NCKAP1: variants seen among roughly 807,000 people sequenced by gnomAD.
The protein encoded by NCKAP1 is nck-associated protein 1.
In NCKAP1, 21 loss-of-function variants were observed where a neutral mutation model predicts 151.2. That is an observed-to-expected ratio of 0.14 (90% CI 0.10 to 0.20). The LOEUF is 0.20. NCKAP1 is among the 10% of genes least tolerant of loss of function. The pLI is 1.00. For missense variants in NCKAP1, 933 were observed against 1,352.1 expected (o/e 0.69, Z 4.86); for synonymous variants, 484 against 451.8 (o/e 1.07, Z -0.90).
At chr2:182,979,830 T>C in intron 13 of NCKAP1, among the ~76,000 whole-genome samples, 1 of 152,082 alleles carries the variant, frequency 6.6e-6, no homozygotes, top group East Asian at 1.9e-4. Context: ...AGGAGCAAAT[T>C]ACATAAGGCA....
At chr2:183,005,213 A>C (rs893966209) in intron 2 of NCKAP1, among the ~76,000 whole-genome samples, 1 of 152,182 alleles carries the variant, frequency 6.6e-6, no homozygotes, top group African/African-American at 2.4e-5. Flanking sequence ...AAGTACATTC[A>C]TAATAGTAAG....
intron 26 of NCKAP1, among the ~76,000 whole-genome samples, chr2:182,933,357 A>G (rs2105802648): frequency 6.6e-6 from 1 of 151,910 alleles, no homozygotes; most frequent in Admixed American, 6.6e-5. Context: ...AAGTGGCAGA[A>G]GATAAGCCTC....
In NCKAP1 at chr2:182,911,806, T is replaced by C. The variant is rs987455927; in HGVS notation, c.*13896A>G. ...TTGCCCTTATATACTCTCTTATAAT[T>C]GCCTCAACAAATTCAAGATGGTTAT... On this transcript the variant is annotated 3_prime_UTR_variant, in exon 31 of 31. Coordinates refer to ENST00000361354, the MANE Select transcript of NCKAP1 (RefSeq NM_013436.5). 4 of 152,308 alleles carry C rather than the reference T, an allele frequency of 2.6e-5. No individual in the cohort carries two copies. Among genetic ancestry groups the C allele is most frequent in the East Asian group, 1.9e-4 (1 of 5,192 alleles). The allele number at this position is 152,308 out of a possible 1,614,324, so 9.4% of individuals were successfully genotyped here.
chr2:182,920,996 T>A lies in NCKAP1; in HGVS notation c.*4706A>T, dbSNP rs1255573800. ...CTGAGTAGTGCACAGTTTTAGTCTG[T>A]GAGCACGCTTCAGTGAAATTATATC... On this transcript the variant is annotated 3_prime_UTR_variant, in exon 31 of 31. Transcript: ENST00000361354. The A allele has an allele frequency of 1.3e-5, 2 of 152,208 alleles. No homozygotes were observed. The highest frequency in any genetic ancestry group is 2.1e-4 in the South Asian group (1 of 4,830). 9.4% of individuals were successfully genotyped at this position (152,208 alleles called of 1,614,324 possible).
chr2:182,948,246 T>C lies in NCKAP1; in HGVS notation c.2601+4159A>G, dbSNP rs181792356. Among the ~76,000 whole-genome samples, 189 of 152,012 alleles carry C rather than the reference T, an allele frequency of 1.2e-3. 2 individuals carry two copies. The highest frequency in any genetic ancestry group is 4.4e-3 in the African/African-American group (183 of 41,494). ...CTACAATATTAAATCATTAATAAAA[T>C]ATGGAAGTTATTATGAAGGTAAAAT... On this transcript the variant is annotated intron_variant, in intron 23 of 30. Transcript: ENST00000361354.
At chr2:183,018,906 T>TA (rs1698744882) in intron 2 of NCKAP1, among the ~76,000 whole-genome samples, 1 of 152,212 alleles carries the variant, frequency 6.6e-6, no homozygotes, top group Non-Finnish European at 1.5e-5. Context: ...TTATTACACT[T>TA]AGAGTTGCTT....
chr2:183,028,057 G>A (rs555569960), intron 1 of NCKAP1, among the ~76,000 whole-genome samples: 124 of 151,986 alleles, frequency 8.2e-4, no homozygotes, highest in African/African-American at 2.7e-3. Context: ...GTAATCAAAA[G>A]ATTTAACAAA....
intron 1 of NCKAP1, among the ~76,000 whole-genome samples, chr2:183,029,491 CTCTA>C (rs1206966557): frequency 6.6e-6 from 1 of 151,562 alleles, no homozygotes; most frequent in African/African-American, 2.4e-5. Flanking sequence ...TTTAAAATTC[CTCTA>C]TCTATTCACA....
At chr2:182,931,467 A>G (rs945028523) in intron 26 of NCKAP1, among the ~76,000 whole-genome samples, 1 of 152,156 alleles carries the variant, frequency 6.6e-6, no homozygotes, top group Non-Finnish European at 1.5e-5. Flanking sequence ...GCAGGGATTA[A>G]GTTCTAGATT....
chr2:182,979,714 T>C (rs1351664980), intron 13 of NCKAP1, among the ~76,000 whole-genome samples: 2 of 152,078 alleles, frequency 1.3e-5, no homozygotes, highest in Non-Finnish European at 2.9e-5. Context: ...TGAAAAACAT[T>C]GTGAATATAC....
chr2:182,912,587 A>T lies in NCKAP1; in HGVS notation c.*13115T>A, dbSNP rs149854512. The T allele has an allele frequency of 6.6e-6, 1 of 152,252 alleles. No homozygotes were observed. Among genetic ancestry groups the T allele is most frequent in the Non-Finnish European group, 1.5e-5 (1 of 68,040 alleles). The allele number at this position is 152,252 out of a possible 1,614,324, so 9.4% of individuals were successfully genotyped here. On this transcript the variant is annotated 3_prime_UTR_variant, in exon 31 of 31. Transcript: ENST00000361354. ...CATTTAACAAGCTCAATGATCTATTATAAGTTAATACACTTTTTCCCCATT... is the reference window on the plus strand; with the variant it reads ...CATTTAACAAGCTCAATGATCTATTTTAAGTTAATACACTTTTTCCCCATT...
chr2:182,972,132 C>A (rs951967127), intron 15 of NCKAP1, among the ~76,000 whole-genome samples: 17 of 138,046 alleles, frequency 1.2e-4, no homozygotes, highest in African/African-American at 4.6e-4. Context: ...AGTGAAGAGA[C>A]AACCTATAGA....
At chr2:183,037,453 T>A (rs1036417721) in intron 1 of NCKAP1, among the ~76,000 whole-genome samples, 2 of 152,188 alleles carry the variant, frequency 1.3e-5, no homozygotes, top group Non-Finnish European at 2.9e-5. Flanking sequence ...AATGGCTTTT[T>A]ATTTAGCAAT....
chr2:183,001,858 AT>A, intron 6 of NCKAP1, 94 bp downstream of exon 6: 2 of 1,042,590 alleles, frequency 1.9e-6, no homozygotes, highest in Non-Finnish European at 1.4e-6. Flanking sequence ...CCATTATAGT[AT>A]TTTTCAAAAA....
At chr2:182,976,609 C>T (rs931777526) in intron 15 of NCKAP1, among the ~76,000 whole-genome samples, 5 of 152,050 alleles carry the variant, frequency 3.3e-5, no homozygotes, top group African/African-American at 1.2e-4. Flanking sequence ...TGTGCTTTCA[C>T]TTTAGAATTA....
At chr2:182,945,637 C>G (rs1697088638) in intron 23 of NCKAP1, among the ~76,000 whole-genome samples, 1 of 152,098 alleles carries the variant, frequency 6.6e-6, no homozygotes, top group African/African-American at 2.4e-5. Context: ...AGAAATGTTT[C>G]CTATCAAAAT....
intron 23 of NCKAP1, among the ~76,000 whole-genome samples, chr2:182,942,914 A>G (rs1052675589): frequency 1.3e-5 from 2 of 152,266 alleles, no homozygotes; most frequent in African/African-American, 4.8e-5. Context: ...CGAGTTTCTA[A>G]AACAACAAAG....
rs188599108 is a variant in NCKAP1 at position 182,944,260 on chromosome 2, G to A, written c.2602-2097C>T. Among the ~76,000 whole-genome samples, 3 of 152,188 alleles carry A rather than the reference G, an allele frequency of 2.0e-5. No homozygotes were observed. In the East Asian group the frequency reaches 5.8e-4, roughly 29 times the overall value. On this transcript the variant is annotated intron_variant, in intron 23 of 30. Coordinates refer to ENST00000361354, the MANE Select transcript of NCKAP1 (RefSeq NM_013436.5). ...ATGGTTTAGAATAAGTTTAGACAAA[G>A]CAAGTGAAATAAATCAAGATTTTTT...
chr2:182,910,958 C>CCCT lies in NCKAP1; in HGVS notation c.*14743_*14744insAGG. 1 of 148,006 alleles carries CCCT rather than the reference C, an allele frequency of 6.8e-6. No individual in the cohort carries two copies. The highest frequency in any genetic ancestry group is 6.7e-5 in the Admixed American group (1 of 14,840). 9.2% of individuals were successfully genotyped at this position (148,006 alleles called of 1,614,324 possible). A position where few individuals can be genotyped will look rare whatever the true frequency, so the allele number is the denominator to read the frequency against. ...AAAATAAAATCCTAAGCTCCCCCCC[C>CCCT]ACATTTGACTAAACAGACCCTCTCC... On this transcript the variant is annotated 3_prime_UTR_variant, in exon 31 of 31. Transcript: ENST00000361354.
Sources: allele counts gnomAD v4.1 joint callset (sites outside exome capture counted in the v4.1 genomes callset), GRCh38; gene constraint gnomAD v4.1.1; transcripts MANE v1.5; gene names NCBI Gene and HGNC (gene_info 2026-07-23, HGNC 2026-07-21).